UST: variants seen among roughly 807,000 people sequenced by gnomAD.
The protein encoded by UST is uronyl 2-sulfotransferase.
A neutral mutation model predicts 45.6 loss-of-function variants in UST; 21 were observed. That is an observed-to-expected ratio of 0.46 (90% CI 0.33 to 0.66). The LOEUF (loss-of-function observed/expected upper bound fraction) is 0.66, where lower values mean the gene tolerates loss of function less well. Ranked by LOEUF, UST falls within the 30% of genes least tolerant of loss-of-function variation. The pLI, the probability that UST is intolerant of heterozygous loss-of-function variation, is 0.02. For missense variants in UST, 463 were observed against 512.4 expected (o/e 0.90, Z 0.93); for synonymous variants, 215 against 200.6 (o/e 1.07, Z -0.61).
chr6:148,974,430 T>C (rs1397847553), intron 5 of UST, among the ~76,000 whole-genome samples: 3 of 152,240 alleles, frequency 2.0e-5, no homozygotes, highest in Non-Finnish European at 4.4e-5. Context: ...AAACAACGTT[T>C]GTTCCCTTTT....
At chr6:148,922,473 A>C (rs955552676) in intron 2 of UST, among the ~76,000 whole-genome samples, 1 of 151,244 alleles carries the variant, frequency 6.6e-6, no homozygotes, top group Non-Finnish European at 1.5e-5. Flanking sequence ...TTATTTGCAT[A>C]GAGATGATCT....
intron 1 of UST, among the ~76,000 whole-genome samples, chr6:148,853,119 C>G (rs1778137131): frequency 1.3e-5 from 2 of 152,172 alleles, no homozygotes; most frequent in South Asian, 2.1e-4. Context: ...CCTCCCTCCC[C>G]CAACAGGCCC....
At chr6:149,012,804 T>TTA (rs1562329328) in intron 5 of UST, among the ~76,000 whole-genome samples, 5 of 104,164 alleles carry the variant, frequency 4.8e-5, no homozygotes, top group Non-Finnish European at 4.5e-5. Flanking sequence ...AGTCACTATT[T>TTA]AAAAAAAAAA....
chr6:148,876,004 A>G (rs1778644341), intron 1 of UST, among the ~76,000 whole-genome samples: 1 of 152,228 alleles, frequency 6.6e-6, no homozygotes, highest in Non-Finnish European at 1.5e-5. Context: ...CTGTTCTTGC[A>G]TTGCTATAAA....
chr6:148,864,607 G>A (rs1038930172), intron 1 of UST, among the ~76,000 whole-genome samples: 7 of 152,208 alleles, frequency 4.6e-5, no homozygotes, highest in East Asian at 1.9e-4. Flanking sequence ...GACTGGAACC[G>A]TTCCTATTCA....
chr6:148,809,862 A>G (rs62426077), intron 1 of UST, among the ~76,000 whole-genome samples: 1 of 152,012 alleles, frequency 6.6e-6, no homozygotes, highest in Non-Finnish European at 1.5e-5. Flanking sequence ...TTTTTTTTAA[A>G]TATTATATTG....
At chr6:148,778,586 C>T (rs983685911) in intron 1 of UST, among the ~76,000 whole-genome samples, 1 of 152,152 alleles carries the variant, frequency 6.6e-6, no homozygotes, top group Admixed American at 6.5e-5. Flanking sequence ...CCTCCCAGGC[C>T]ACGTCAGGCA....
intron 2 of UST, among the ~76,000 whole-genome samples, chr6:148,937,116 G>T (rs551282604): frequency 1.3e-5 from 2 of 152,262 alleles, no homozygotes; most frequent in South Asian, 2.1e-4. Context: ...CATTACATAG[G>T]TTCTTTTAGA....
intron 2 of UST, among the ~76,000 whole-genome samples, chr6:148,938,883 A>G (rs940391967): frequency 1.3e-5 from 2 of 151,896 alleles, no homozygotes; most frequent in Non-Finnish European, 1.5e-5. Context: ...CTAGGCAATT[A>G]GAAAGGAAAA....
chr6:148,818,986 G>A (rs1210465903), intron 1 of UST, among the ~76,000 whole-genome samples: 2 of 152,132 alleles, frequency 1.3e-5, no homozygotes, highest in Non-Finnish European at 2.9e-5. Flanking sequence ...CTTATGTAAT[G>A]TAAGACCACT....
At chr6:148,812,519 G>A (rs1777277549) in intron 1 of UST, among the ~76,000 whole-genome samples, 1 of 152,170 alleles carries the variant, frequency 6.6e-6, no homozygotes, top group African/African-American at 2.4e-5. Context: ...CTCTCATGAG[G>A]TTGCAGTCAA....
chr6:149,051,566 G>A (rs552938124), intron 7 of UST, among the ~76,000 whole-genome samples: 14 of 152,284 alleles, frequency 9.2e-5, no homozygotes, highest in African/African-American at 2.6e-4. Context: ...ATGTCATTCC[G>A]TAAGAAAGCA....
intron 3 of UST, among the ~76,000 whole-genome samples, chr6:148,952,371 AGACC>A (rs1163797866): frequency 6.6e-6 from 1 of 152,238 alleles, no homozygotes; most frequent in African/African-American, 2.4e-5. Flanking sequence ...GAGGACAGAC[AGACC>A]ATTATTCACT....
At chr6:149,051,877 G>T (rs550968562) in intron 7 of UST, among the ~76,000 whole-genome samples, 56 of 152,290 alleles carry the variant, frequency 3.7e-4, no homozygotes, top group African/African-American at 1.2e-3. Context: ...GATAAAAAAT[G>T]AATAGAAAAG....
At chr6:148,968,042 GTGGGGTAAAGTCCC>G (rs1780838281) in intron 5 of UST, among the ~76,000 whole-genome samples, 1 of 152,214 alleles carries the variant, frequency 6.6e-6, no homozygotes, top group African/African-American at 2.4e-5. Flanking sequence ...GGGATTCGGG[GTGGGGTAAAGTCCC>G]TGCCAGGAGG....
chr6:148,797,680 C>T (rs1008656860), intron 1 of UST, among the ~76,000 whole-genome samples: 3 of 152,032 alleles, frequency 2.0e-5, no homozygotes, highest in African/African-American at 7.2e-5. Flanking sequence ...TTGGAATAAA[C>T]GTGAAGGTCT....
chr6:148,788,582 A>T (rs569447233), intron 1 of UST, among the ~76,000 whole-genome samples: 2 of 152,294 alleles, frequency 1.3e-5, no homozygotes, highest in South Asian at 4.1e-4. Context: ...ATCCTCATAT[A>T]ATAATTTTCT....
intron 5 of UST, among the ~76,000 whole-genome samples, chr6:148,967,884 C>T (rs1780834231): frequency 6.6e-6 from 1 of 152,244 alleles, no homozygotes; most frequent in African/African-American, 2.4e-5. Flanking sequence ...CAGTGCCTGC[C>T]TCCAAGCCTG....
intron 5 of UST, among the ~76,000 whole-genome samples, chr6:148,996,963 G>C (rs1255426517): frequency 6.6e-6 from 1 of 152,186 alleles, no homozygotes; most frequent in Non-Finnish European, 1.5e-5. Context: ...TGTATATGTG[G>C]AGGTTTGTTG....
Sources: gnomAD v4.1 joint callset for allele counts (sites outside exome capture counted in the v4.1 genomes callset) on GRCh38, gnomAD v4.1.1 for gene constraint, MANE v1.5 for transcripts, NCBI Gene and HGNC (gene_info 2026-07-23, HGNC 2026-07-21) for gene names.